CAMK1D: variants seen among roughly 807,000 people sequenced by gnomAD.
CAMK1D encodes the protein calcium/calmodulin-dependent protein kinase type 1D.
CAMK1D carries 9 observed loss-of-function variants against 47.7 expected under a neutral mutation model. The observed-to-expected ratio is 0.19, with a 90% CI of 0.11 to 0.33. The LOEUF is 0.33. CAMK1D is among the 10% of genes least tolerant of loss of function. The pLI, the probability that CAMK1D is intolerant of heterozygous loss-of-function variation, is 1.00. For missense variants in CAMK1D, 291 were observed against 488.7 expected, an observed-to-expected ratio of 0.60 and a Z score of 3.81; for synonymous variants, 184 against 184.9, an observed-to-expected ratio of 0.99 and a Z score of 0.04.
At chr10:12,738,766 A>G (rs1053579326) in intron 3 of CAMK1D, among the ~76,000 whole-genome samples, 7 of 152,232 alleles carry the variant, frequency 4.6e-5, no homozygotes, top group Middle Eastern at 3.4e-3. Flanking sequence ...CAGGAAGCAG[A>G]GGCTGCAGTG....
intron 2 of CAMK1D, among the ~76,000 whole-genome samples, chr10:12,570,388 T>C (rs576377417): frequency 2.8e-4 from 43 of 151,224 alleles, no homozygotes; most frequent in Admixed American, 8.6e-4. Context: ...CTTTTTCAGA[T>C]CTATGAGGGG....
chr10:12,556,550 G>A (rs953952450), intron 2 of CAMK1D, among the ~76,000 whole-genome samples: 1 of 152,158 alleles, frequency 6.6e-6, no homozygotes, highest in Admixed American at 6.5e-5. Flanking sequence ...CAGAAACGCA[G>A]AGGGACATTC....
intron 2 of CAMK1D, among the ~76,000 whole-genome samples, chr10:12,560,730 A>G (rs1225184799): frequency 2.0e-5 from 3 of 152,044 alleles, no homozygotes; most frequent in South Asian, 2.1e-4. Context: ...AGAAGGGTCT[A>G]AAAGAGAGAG....
At chr10:12,445,454 A>G (rs4750214) in intron 1 of CAMK1D, among the ~76,000 whole-genome samples, 150,358 of 152,368 alleles carry the variant, frequency 0.99, 74,223 homozygotes, top group Middle Eastern at 1. Context: ...ACATGAAGAC[A>G]GGCCATTGTC....
intron 1 of CAMK1D, among the ~76,000 whole-genome samples, chr10:12,520,099 T>C (rs1270042369): frequency 2.8e-5 from 2 of 72,638 alleles, no homozygotes; most frequent in East Asian, 4.6e-4. Flanking sequence ...CCGGACGGGG[T>C]GGCTGCCGGG....
intron 3 of CAMK1D, among the ~76,000 whole-genome samples, chr10:12,736,169 G>A (rs1042833892): frequency 2.6e-5 from 4 of 152,190 alleles, no homozygotes; most frequent in Admixed American, 6.5e-5. Flanking sequence ...GGCAGCCTAC[G>A]AGTTTCTTCC....
At chr10:12,786,501 T>A (rs1000974344) in intron 5 of CAMK1D, among the ~76,000 whole-genome samples, 2 of 152,240 alleles carry the variant, frequency 1.3e-5, no homozygotes, top group Non-Finnish European at 2.9e-5. Flanking sequence ...TTTTCCCCCA[T>A]AACAACCATA....
intron 1 of CAMK1D, among the ~76,000 whole-genome samples, chr10:12,375,005 C>T (rs2131863023): frequency 6.6e-6 from 1 of 151,786 alleles, no homozygotes; most frequent in South Asian, 2.1e-4. Flanking sequence ...ATGTGTTGCC[C>T]AGGCTGGTCT....
rs952367195 is a variant in CAMK1D, at chr10:12,831,986, A to G, written c.*3099A>G. ...ACCTGTAGAGGCTGAGCATTTCTAC[A>G]TGCACCCAGGGTGCTGGGCTGAGGC... On this transcript the variant is annotated 3_prime_UTR_variant, in exon 11 of 11. Transcript: ENST00000619168. The G allele has an allele frequency of 1.1e-4, 16 of 152,356 alleles. No individual in the cohort carries two copies. The highest frequency in any genetic ancestry group is 3.6e-4 in the African/African-American group (15 of 41,574). The allele number at this position is 152,356 out of a possible 1,614,324, so 9.4% of individuals were successfully genotyped here.
chr10:12,755,931 C>T lies in CAMK1D; in HGVS notation c.300-5017C>T, dbSNP rs1002120133. On this transcript the variant is annotated intron_variant, in intron 3 of 10. Transcript: ENST00000619168. ...AGCCTTGTTCTGGGGCCCATTGAGA[C>T]CTCACAGCTCTTGCAGCATGCCCCT... Among the ~76,000 whole-genome samples, 3 of 152,152 alleles carry T rather than the reference C, an allele frequency of 2.0e-5. 1 individual carries two copies. The highest frequency in any genetic ancestry group is 4.8e-5 in the African/African-American group (2 of 41,424).
At chr10:12,747,189 G>A (rs986921033) in intron 3 of CAMK1D, among the ~76,000 whole-genome samples, 1 of 152,106 alleles carries the variant, frequency 6.6e-6, no homozygotes, top group African/African-American at 2.4e-5. Flanking sequence ...ACACCACCAA[G>A]CCCAGCTAAT....
chr10:12,428,424 A>G (rs1046828670), intron 1 of CAMK1D, among the ~76,000 whole-genome samples: 1 of 151,708 alleles, frequency 6.6e-6, no homozygotes, highest in African/African-American at 2.4e-5. Flanking sequence ...TTCTTTCTCC[A>G]CGTTCGACAT....
chr10:12,742,836 AAG>A (rs113750837), intron 3 of CAMK1D, among the ~76,000 whole-genome samples: 14,339 of 152,194 alleles, frequency 0.094, 1,799 homozygotes, highest in African/African-American at 0.29. Context: ...ACATCTGACA[AAG>A]AGCTCCATGC....
chr10:12,617,082 G>A (rs1010756609), intron 2 of CAMK1D, among the ~76,000 whole-genome samples: 3 of 152,126 alleles, frequency 2.0e-5, no homozygotes, highest in Non-Finnish European at 4.4e-5. Context: ...CTTCTCGTAA[G>A]CAAGGTGAGT....
intron 2 of CAMK1D, among the ~76,000 whole-genome samples, chr10:12,617,000 T>C (rs1417203665): frequency 6.6e-6 from 1 of 151,974 alleles, no homozygotes; most frequent in Non-Finnish European, 1.5e-5. Flanking sequence ...AGCTTGGGGA[T>C]CGCCTTTTTA....
intron 8 of CAMK1D, 97 bp downstream of exon 8, chr10:12,816,425 A>G (rs1832796920): frequency 2.1e-6 from 2 of 947,830 alleles, no homozygotes; most frequent in Non-Finnish European, 3.3e-6. Context: ...TGAAATCCAC[A>G]CAGGATTATT....
At chr10:12,695,372 A>T (rs1833245359) in intron 3 of CAMK1D, among the ~76,000 whole-genome samples, 1 of 152,034 alleles carries the variant, frequency 6.6e-6, no homozygotes, top group Admixed American at 6.6e-5. Flanking sequence ...CTTTCCAAAG[A>T]GCCATGTCCT....
intron 1 of CAMK1D, among the ~76,000 whole-genome samples, chr10:12,439,301 T>G (rs1439932334): frequency 1.3e-5 from 2 of 152,240 alleles, no homozygotes; most frequent in African/African-American, 4.8e-5. Context: ...GGTTTAATAT[T>G]TATCGAAAAC....
chr10:12,813,641 T>C (rs1337253848), intron 6 of CAMK1D, among the ~76,000 whole-genome samples: 2 of 152,032 alleles, frequency 1.3e-5, no homozygotes, highest in Non-Finnish European at 2.9e-5. Context: ...GTTGACCCTT[T>C]TTGCTATTTA....
Sources: gnomAD v4.1 joint callset for allele counts (sites outside exome capture counted in the v4.1 genomes callset) on GRCh38, gnomAD v4.1.1 for gene constraint, MANE v1.5 for transcripts, NCBI Gene and HGNC (gene_info 2026-07-23, HGNC 2026-07-21) for gene names.